The following KHDC1 variants were observed in gnomAD, a reference collection of about 807,000 sequenced individuals.
The protein encoded by KHDC1 is KH homology domain-containing protein 1.
A neutral mutation model predicts 24.7 loss-of-function variants in KHDC1; 21 were observed. That is an observed-to-expected ratio of 0.85 (90% CI 0.60 to 1.23). The LOEUF (loss-of-function observed/expected upper bound fraction) is 1.23, where lower values mean the gene tolerates loss of function less well. KHDC1 is among the 50% of genes most tolerant of loss of function. The pLI, the probability that KHDC1 is intolerant of heterozygous loss-of-function variation, is 0.00. For missense variants in KHDC1, 274 were observed against 298.5 expected, an observed-to-expected ratio of 0.92 and a Z score of 0.61; for synonymous variants, 98 against 111.7, an observed-to-expected ratio of 0.88 and a Z score of 0.77.
intron 2 of KHDC1, among the ~76,000 whole-genome samples, chr6:73,266,186 G>A (rs2150580791): frequency 6.6e-6 from 1 of 152,288 alleles, no homozygotes; most frequent in South Asian, 2.1e-4. Flanking sequence ...TGTGATCAGA[G>A]TATAGTACCT....
intron 1 of KHDC1, among the ~76,000 whole-genome samples, chr6:73,304,594 G>T (rs939822004): frequency 1.3e-5 from 2 of 151,896 alleles, no homozygotes; most frequent in Non-Finnish European, 2.9e-5. Flanking sequence ...GAGCCACTGC[G>T]CCAGCCACTT....
Position 73,257,222 on chromosome 6 carries a change from G to A in KHDC1, c.207-14692C>T, listed in dbSNP as rs188939629. On this transcript the variant is annotated intron_variant, in intron 2 of 4. Coordinates refer to ENST00000370384, the Ensembl canonical transcript of KHDC1. ...GTGGGAAGATTGCTTGAGCCCAGGA[G>A]GTCAAGGCTTCAGTGAGCTTTCATC... 4.0e-3 allele frequency among the ~76,000 whole-genome samples: 606 copies of A among 152,256 alleles called. 5 individuals carry two copies. The highest frequency in any genetic ancestry group is 0.014 in the African/African-American group (562 of 41,536).
At chr6:73,270,640 A>G (rs1767161779) in intron 2 of KHDC1, 1 of 151,854 alleles carries the variant, frequency 6.6e-6, no homozygotes, top group African/African-American at 2.4e-5. Flanking sequence ...CTCTTCACTT[A>G]GTGTCCTGAA....
chr6:73,251,139 T>C (rs564236340), intron 2 of KHDC1, among the ~76,000 whole-genome samples: 1 of 152,254 alleles, frequency 6.6e-6, no homozygotes, highest in African/African-American at 2.4e-5. Context: ...CACCAAATAA[T>C]TTATAATCAA....
chr6:73,241,836 G>GCT, intron 4 of KHDC1, 108 bp from the exon 4 acceptor site: 1 of 1,267,344 alleles, frequency 7.9e-7, no homozygotes, highest in Non-Finnish European at 1.1e-6. Flanking sequence ...CCCCAGCCCA[G>GCT]ACCTTCCAAG....
chr6:73,245,581 T>G (rs971564183), intron 2 of KHDC1, among the ~76,000 whole-genome samples: 1 of 152,172 alleles, frequency 6.6e-6, no homozygotes, highest in African/African-American at 2.4e-5. Flanking sequence ...TAATTAGAAA[T>G]TCCCAAGACA....
intron 1 of KHDC1, chr6:73,309,499 C>G (rs549918225): frequency 6.8e-7 from 1 of 1,464,888 alleles, no homozygotes; most frequent in African/African-American, 1.4e-5. Context: ...CTCGCCTTTC[C>G]GGGCACCTGG....
At chr6:73,271,683 C>G (rs962128015) in intron 2 of KHDC1, among the ~76,000 whole-genome samples, 8 of 151,018 alleles carry the variant, frequency 5.3e-5, no homozygotes, top group African/African-American at 7.3e-5. Context: ...CACCTGAGGT[C>G]AGGAGTTCAA....
At chr6:73,281,401 A>C (rs1767406039) in intron 2 of KHDC1, among the ~76,000 whole-genome samples, 2 of 151,594 alleles carry the variant, frequency 1.3e-5, no homozygotes, top group South Asian at 4.2e-4. Flanking sequence ...CATTTCCTGA[A>C]GGTCAAGAGT....
chr6:73,293,273 A>G (rs1314995941), intron 1 of KHDC1: 3 of 634,282 alleles, frequency 4.7e-6, no homozygotes, highest in Non-Finnish European at 9.0e-6. Flanking sequence ...TCTGGCTTCT[A>G]CTGAAGAAAC....
intron 2 of KHDC1, among the ~76,000 whole-genome samples, chr6:73,265,528 CAAAAAAAAA>C (rs70994179): frequency 0.057 from 4,264 of 74,792 alleles, 186 homozygotes; most frequent in African/African-American, 0.15. Flanking sequence ...GACTCCGTCT[CAAAAAAAAA>C]AAAAAAAAAA....
intron 2 of KHDC1, among the ~76,000 whole-genome samples, chr6:73,266,224 G>A (rs748725513): frequency 1.2e-4 from 18 of 152,180 alleles, no homozygotes; most frequent in Non-Finnish European, 2.2e-4. Context: ...AACAAACTCT[G>A]CAATATGTTA....
rs370446904 is a variant in KHDC1, at chr6:73,298,423, A to ATTTTTTTT, written c.164-6391_164-6384dup. ...CCTGGAAGGACTCTATACTTTGCAAATTTTTTTTTTTTTTTTTTTTTTTTT... is the reference window on the plus strand; with the variant it reads ...CCTGGAAGGACTCTATACTTTGCAAATTTTTTTTTTTTTTTTTTTTTTTTTTTTTTTTT... On this transcript the variant is annotated intron_variant, in intron 1 of 4. Transcript: ENST00000370384. 8.3e-4 allele frequency among the ~76,000 whole-genome samples: 50 copies of ATTTTTTTT among 59,974 alleles called. 4 individuals carry two copies. The highest frequency in any genetic ancestry group is 3.4e-3 in the African/African-American group (45 of 13,288). 39.3% of individuals were successfully genotyped at this position (59,974 alleles called of 152,430 possible). A position where few individuals can be genotyped will look rare whatever the true frequency, so the allele number is the denominator to read the frequency against.
intron 2 of KHDC1, among the ~76,000 whole-genome samples, chr6:73,257,653 T>A (rs1766904932): frequency 6.6e-6 from 1 of 151,944 alleles, no homozygotes; most frequent in South Asian, 2.1e-4. Context: ...TGCCTCGGCC[T>A]CCCAAAGTCC....
intron 2 of KHDC1, among the ~76,000 whole-genome samples, chr6:73,258,041 A>G (rs1766911731): frequency 6.6e-6 from 1 of 152,146 alleles, no homozygotes; most frequent in Non-Finnish European, 1.5e-5. Context: ...GGATCACTTG[A>G]GCTCAGGAGT....
At chr6:73,252,715 G>C (rs896381950) in intron 2 of KHDC1, among the ~76,000 whole-genome samples, 2 of 152,072 alleles carry the variant, frequency 1.3e-5, no homozygotes, top group Non-Finnish European at 2.9e-5. Context: ...TACTCAGGAG[G>C]CTGAGGCTGG....
rs1382052966 is a variant in KHDC1, at chr6:73,297,215, T to A, written c.164-5175A>T. Among the ~76,000 whole-genome samples, 4 of 151,882 alleles carry A rather than the reference T, an allele frequency of 2.6e-5. No homozygotes were observed. In the South Asian group the frequency reaches 6.3e-4, roughly 24 times the overall value. Reference sequence around the variant, plus strand: ...CATTACCAGCCTACTATATATATATTTTTTAACACTGTATACAATACACAC... The same window carrying A: ...CATTACCAGCCTACTATATATATATATTTTAACACTGTATACAATACACAC... On this transcript the variant is annotated intron_variant, in intron 1 of 4. Coordinates refer to ENST00000370384, the Ensembl canonical transcript of KHDC1.
Position 73,296,771 on chromosome 6 carries a change from C to A in KHDC1, c.164-4731G>T, listed in dbSNP as rs138150468. Among the ~76,000 whole-genome samples, 403 of 152,192 alleles carry A rather than the reference C, an allele frequency of 2.6e-3. 5 individuals carry two copies. Among genetic ancestry groups the A allele is most frequent in the African/African-American group, 9.5e-3 (395 of 41,544 alleles). On this transcript the variant is annotated intron_variant, in intron 1 of 4. Transcript: ENST00000370384. Reference sequence around the variant, plus strand: ...GTTTGCAAATCCACATCACATATGCCTTTACGAATTATTTTGAATAGGTAG... The same window carrying A: ...GTTTGCAAATCCACATCACATATGCATTTACGAATTATTTTGAATAGGTAG...
intron 2 of KHDC1, among the ~76,000 whole-genome samples, chr6:73,258,231 G>A (rs1047427126): frequency 6.6e-6 from 1 of 152,308 alleles, no homozygotes; most frequent in Admixed American, 6.5e-5. Flanking sequence ...CTCCAGCCTG[G>A]GCAAGAGAGC....
Sources: allele counts gnomAD v4.1 joint callset (sites outside exome capture counted in the v4.1 genomes callset), GRCh38; gene constraint gnomAD v4.1.1; transcripts MANE v1.5; gene names NCBI Gene and HGNC (gene_info 2026-07-23, HGNC 2026-07-21).